Variants in PDGFD observed in about 807,000 individuals in gnomAD.
PDGFD encodes platelet derived growth factor D.
PDGFD carries 30 observed loss-of-function variants against 44.7 expected under a neutral mutation model. The observed-to-expected ratio is 0.67, with a 90% CI of 0.50 to 0.91. The LOEUF (loss-of-function observed/expected upper bound fraction) is 0.91. Among genes scored for constraint, PDGFD ranks in the 40% least tolerant of loss-of-function variants. The pLI, the probability that PDGFD is intolerant of heterozygous loss-of-function variation, is 0.00. For synonymous variants in PDGFD, 173 were observed against 168.4 expected (o/e 1.03, Z -0.21); for missense variants, 445 against 457.8 (o/e 0.97, Z 0.25).
chr11:103,931,668 C>T (rs545880571), intron 5 of PDGFD, among the ~76,000 whole-genome samples: 48 of 152,244 alleles, frequency 3.2e-4, no homozygotes, highest in African/African-American at 1.1e-3. Context: ...CTCACCATAA[C>T]TTCCGCCTCC....
At chr11:104,140,813 T>C (rs1862073595) in intron 1 of PDGFD, among the ~76,000 whole-genome samples, 1 of 152,236 alleles carries the variant, frequency 6.6e-6, no homozygotes, top group African/African-American at 2.4e-5. Flanking sequence ...TTTAGACTTT[T>C]CTTCATTAGG....
intron 3 of PDGFD, among the ~76,000 whole-genome samples, chr11:103,984,796 T>G (rs1859327885): frequency 6.9e-6 from 1 of 144,480 alleles, no homozygotes; most frequent in Non-Finnish European, 1.5e-5. Context: ...ATTAAATAAT[T>G]ATATTTAATA....
At chr11:103,977,078 A>T (rs912769370) in intron 3 of PDGFD, among the ~76,000 whole-genome samples, 1 of 152,152 alleles carries the variant, frequency 6.6e-6, no homozygotes, top group African/African-American at 2.4e-5. Context: ...ACGCAAATAA[A>T]CTAGAAAAAT....
chr11:104,134,576 GCACT>G (rs1346252220), intron 1 of PDGFD, among the ~76,000 whole-genome samples: 1 of 152,152 alleles, frequency 6.6e-6, no homozygotes, highest in Admixed American at 6.5e-5. Context: ...ATCCACTCAT[GCACT>G]CACTCATTCA....
At chr11:104,149,817 C>T (rs1862216628) in intron 1 of PDGFD, among the ~76,000 whole-genome samples, 1 of 152,146 alleles carries the variant, frequency 6.6e-6, no homozygotes, top group Non-Finnish European at 1.5e-5. Flanking sequence ...ATAAACTTCA[C>T]ACTGGACAGT....
At chr11:104,012,564 G>C (rs1197593559) in intron 1 of PDGFD, among the ~76,000 whole-genome samples, 2 of 152,184 alleles carry the variant, frequency 1.3e-5, no homozygotes, top group East Asian at 3.9e-4. Context: ...TCTTGTTAAA[G>C]CTCATGCTAA....
intron 3 of PDGFD, among the ~76,000 whole-genome samples, chr11:103,981,399 C>A (rs898488140): frequency 6.6e-6 from 1 of 151,590 alleles, no homozygotes; most frequent in Non-Finnish European, 1.5e-5. Flanking sequence ...CTCAAGTACT[C>A]ATTTATAGCA....
At chr11:104,077,167 A>T (rs1860971257) in intron 1 of PDGFD, among the ~76,000 whole-genome samples, 1 of 152,140 alleles carries the variant, frequency 6.6e-6, no homozygotes, top group Admixed American at 6.5e-5. Flanking sequence ...TACACAGTGG[A>T]TTGCTGGAGA....
intron 1 of PDGFD, among the ~76,000 whole-genome samples, chr11:104,023,248 A>G (rs1859991779): frequency 6.6e-6 from 1 of 152,178 alleles, no homozygotes; most frequent in Admixed American, 6.6e-5. Flanking sequence ...CGCCGTCTGA[A>G]CAGTATTTTA....
chr11:104,156,228 C>G (rs1862306066), intron 1 of PDGFD, among the ~76,000 whole-genome samples: 1 of 152,032 alleles, frequency 6.6e-6, no homozygotes, highest in East Asian at 1.9e-4. Flanking sequence ...TGGCATGTGC[C>G]TGCCGTCCCA....
At chr11:104,104,119 A>G (rs77436096) in intron 1 of PDGFD, among the ~76,000 whole-genome samples, 1,600 of 152,246 alleles carry the variant, frequency 0.011, 31 homozygotes, top group African/African-American at 0.035. Flanking sequence ...AATAAAAATG[A>G]AAGAAAAATT....
chr11:103,967,922 T>G (rs1034764300), intron 3 of PDGFD, among the ~76,000 whole-genome samples: 2 of 152,214 alleles, frequency 1.3e-5, no homozygotes, highest in African/African-American at 4.8e-5. Context: ...TTGTAATTGT[T>G]GCTTACTGCA....
intron 1 of PDGFD, among the ~76,000 whole-genome samples, chr11:104,072,515 A>G (rs1396268736): frequency 2.6e-5 from 4 of 151,890 alleles, no homozygotes; most frequent in African/African-American, 9.7e-5. Context: ...CAATCGTATC[A>G]TCTACATATA....
intron 1 of PDGFD, among the ~76,000 whole-genome samples, chr11:104,101,837 T>C (rs558802576): frequency 4.2e-4 from 64 of 152,154 alleles, no homozygotes; most frequent in Admixed American, 1.4e-3. Context: ...AAGGATTTCC[T>C]ATTTAATAAA....
At chr11:104,062,825 A>T (rs912690703) in intron 1 of PDGFD, among the ~76,000 whole-genome samples, 6 of 152,216 alleles carry the variant, frequency 3.9e-5, no homozygotes, top group Middle Eastern at 3.2e-3. Context: ...CAGATATGCT[A>T]ATGAATTTGA....
At chr11:104,021,872 G>C (rs1321299726) in intron 1 of PDGFD, among the ~76,000 whole-genome samples, 3 of 152,078 alleles carry the variant, frequency 2.0e-5, no homozygotes, top group East Asian at 3.8e-4. Context: ...TAACACCTTG[G>C]GTACAGGCAT....
chr11:103,938,334 T>C (rs1350863480), intron 5 of PDGFD, among the ~76,000 whole-genome samples: 2 of 152,248 alleles, frequency 1.3e-5, no homozygotes, highest in Non-Finnish European at 2.9e-5. Context: ...ATGTGTTTTT[T>C]GGCTGCATAA....
chr11:103,971,226 T>C (rs1859097584), intron 3 of PDGFD, among the ~76,000 whole-genome samples: 2 of 152,202 alleles, frequency 1.3e-5, no homozygotes, highest in African/African-American at 4.8e-5. Flanking sequence ...TTGTAGTTAA[T>C]GTTCTGGGCT....
chr11:104,065,826 T>C (rs1453257854), intron 1 of PDGFD, among the ~76,000 whole-genome samples: 1 of 152,128 alleles, frequency 6.6e-6, no homozygotes. Context: ...CAGCAAAACT[T>C]TGCTAAAATG....
Sources: gnomAD v4.1 joint callset for allele counts (sites outside exome capture counted in the v4.1 genomes callset) on GRCh38, gnomAD v4.1.1 for gene constraint, MANE v1.5 for transcripts, NCBI Gene and HGNC (gene_info 2026-07-23, HGNC 2026-07-21) for gene names.